CCDC3: variants seen among roughly 807,000 people sequenced by gnomAD.
CCDC3 encodes the protein coiled-coil domain containing 3, also known as coiled-coil domain-containing protein 3.
In CCDC3, 24 loss-of-function variants were observed where a neutral mutation model predicts 21.4. That is an observed-to-expected ratio of 1.12 (90% confidence interval 0.81 to 1.58). The LOEUF is 1.58. CCDC3 is among the 40% of genes most tolerant of loss of function. CCDC3 has a pLI of 0.00. For synonymous variants in CCDC3, 186 were observed against 166.0 expected, an observed-to-expected ratio of 1.12 and a Z score of -0.93; for missense variants, 425 against 360.9, an observed-to-expected ratio of 1.18 and a Z score of -1.44.
chr10:12,901,186 G>T (rs369640599), intron 2 of CCDC3, among the ~76,000 whole-genome samples: 7 of 152,316 alleles, frequency 4.6e-5, no homozygotes, highest in African/African-American at 1.7e-4. Flanking sequence ...GTCTGCCTCC[G>T]CCTGTTCTTG....
chr10:13,027,634 T>C (rs1836240363), intron 5 of CCDC3, among the ~76,000 whole-genome samples: 1 of 151,624 alleles, frequency 6.6e-6, no homozygotes, highest in East Asian at 1.9e-4. Flanking sequence ...TTGCTTGAGC[T>C]TGGGAGTTTG....
intron 2 of CCDC3, among the ~76,000 whole-genome samples, chr10:12,908,258 G>A (rs1834205648): frequency 1.3e-5 from 2 of 152,200 alleles, no homozygotes; most frequent in South Asian, 4.1e-4. Flanking sequence ...CAGAAATGCT[G>A]CATATTATGG....
intron 3 of CCDC3, among the ~76,000 whole-genome samples, chr10:13,083,744 A>T (rs1298377936): frequency 1.3e-5 from 2 of 152,186 alleles, no homozygotes; most frequent in Non-Finnish European, 2.9e-5. Flanking sequence ...AGAAGTTTTA[A>T]ATTGTCAGCC....
chr10:13,099,664 A>C (rs1410874861), upstream of CCDC3: 1 of 151,972 alleles, frequency 6.6e-6, no homozygotes, highest in Non-Finnish European at 1.5e-5. Flanking sequence ...TAAAGCAAAA[A>C]CGAGTGGAAA....
At chr10:12,951,804 C>CAAAAAAAAAAAAAAAA (rs71924811) in intron 2 of CCDC3, among the ~76,000 whole-genome samples, 1 of 60,492 alleles carries the variant, frequency 1.7e-5, no homozygotes, top group African/African-American at 7.8e-5. Flanking sequence ...GACTTCATCT[C>CAAAAAAAAAAAAAAAA]AAAAAAAAAA....
At chr10:12,996,300 C>G (rs1589034774) in intron 2 of CCDC3, among the ~76,000 whole-genome samples, 3 of 152,286 alleles carry the variant, frequency 2.0e-5, no homozygotes, top group Admixed American at 2.0e-4. Context: ...TTAGAAAAGT[C>G]TAGACTGCTG....
At chr10:12,996,751 T>G (rs1368010558) in intron 2 of CCDC3, among the ~76,000 whole-genome samples, 2 of 152,162 alleles carry the variant, frequency 1.3e-5, no homozygotes, top group African/African-American at 2.4e-5. Context: ...GAATCTCCCT[T>G]TGAAGCGGGT....
intron 2 of CCDC3, among the ~76,000 whole-genome samples, chr10:12,982,492 C>T (rs1421405284): frequency 6.6e-6 from 1 of 151,442 alleles, no homozygotes; most frequent in Non-Finnish European, 1.5e-5. Flanking sequence ...GTGTTTTTTA[C>T]CATAATTAAA....
intron 2 of CCDC3, among the ~76,000 whole-genome samples, chr10:12,955,794 G>A (rs1464255558): frequency 6.6e-6 from 1 of 152,104 alleles, no homozygotes; most frequent in Non-Finnish European, 1.5e-5. Context: ...CCAGGCTGGA[G>A]TGCAGTGGTG....
chr10:13,083,955 AT>A (rs886951567), intron 3 of CCDC3, among the ~76,000 whole-genome samples: 28 of 151,928 alleles, frequency 1.8e-4, no homozygotes, highest in African/African-American at 2.7e-4. Flanking sequence ...CTAAATGCTG[AT>A]TTTTTTTTCC....
intron 5 of CCDC3, among the ~76,000 whole-genome samples, chr10:13,012,705 A>G (rs1054130621): frequency 2.6e-5 from 4 of 152,114 alleles, no homozygotes; most frequent in African/African-American, 2.4e-5. Flanking sequence ...CGGGAGGCAG[A>G]CGTTGCAGTG....
intron 5 of CCDC3, among the ~76,000 whole-genome samples, chr10:13,041,813 C>T (rs1230864900): frequency 1.3e-5 from 2 of 151,320 alleles, no homozygotes; most frequent in Non-Finnish European, 2.9e-5. Context: ...GATGGAGGCT[C>T]CCAGAAGAGA....
intron 2 of CCDC3, among the ~76,000 whole-genome samples, chr10:12,980,274 A>G (rs1269458451): frequency 6.6e-6 from 1 of 152,218 alleles, no homozygotes; most frequent in Non-Finnish European, 1.5e-5. Flanking sequence ...AACTAAAAGA[A>G]AGATGAGAAC....
intron 2 of CCDC3, among the ~76,000 whole-genome samples, chr10:12,947,069 T>C (rs1486732961): frequency 6.6e-6 from 1 of 152,210 alleles, no homozygotes; most frequent in East Asian, 1.9e-4. Flanking sequence ...CCCACAGCTC[T>C]GTCTCCTTAG....
intron 5 of CCDC3, among the ~76,000 whole-genome samples, chr10:13,013,871 G>T (rs530267299): frequency 2.4e-4 from 36 of 152,276 alleles, no homozygotes; most frequent in Non-Finnish European, 5.1e-4. Flanking sequence ...GACATGCATC[G>T]CTGGGCATGT....
chr10:13,006,015 T>C (rs1835919661), upstream of CCDC3, among the ~76,000 whole-genome samples: 1 of 152,170 alleles, frequency 6.6e-6, no homozygotes, highest in African/African-American at 2.4e-5. Context: ...GGTCCCTGAA[T>C]TTTTGTGGGG....
chr10:13,081,504 A>T (rs893623665), intron 3 of CCDC3, among the ~76,000 whole-genome samples: 2 of 152,188 alleles, frequency 1.3e-5, no homozygotes, highest in Non-Finnish European at 2.9e-5. Flanking sequence ...AAGCATCATC[A>T]CCATCAGAGT....
chr10:13,067,491 TTGGTCTTAAGC>T (rs1836835532), intron 4 of CCDC3, among the ~76,000 whole-genome samples: 1 of 152,170 alleles, frequency 6.6e-6, no homozygotes, highest in African/African-American at 2.4e-5. Context: ...ATTTGTGAGG[TTGGTCTTAAGC>T]TGTAGCCAGT....
At chr10:12,929,685 GCAGGTCCAA>G (rs1464564504) in intron 2 of CCDC3, among the ~76,000 whole-genome samples, 1 of 152,166 alleles carries the variant, frequency 6.6e-6, no homozygotes, top group East Asian at 1.9e-4. Flanking sequence ...CATGGGTCCA[GCAGGTCCAA>G]CAGGCCCCAA....
Sources: gnomAD v4.1 joint callset for allele counts (sites outside exome capture counted in the v4.1 genomes callset) on GRCh38, gnomAD v4.1.1 for gene constraint, MANE v1.5 for transcripts, NCBI Gene and HGNC (gene_info 2026-07-23, HGNC 2026-07-21) for gene names.